The following LMNB2 variants were observed in gnomAD, a reference collection of about 807,000 sequenced individuals.
LMNB2 encodes the protein lamin-B2.
In LMNB2, 17 loss-of-function variants were observed where a neutral mutation model predicts 69.3. The observed-to-expected ratio is 0.25, with a 90% CI of 0.17 to 0.37. LMNB2 has a LOEUF of 0.37. Among genes scored for constraint, LMNB2 ranks in the 10% least tolerant of loss-of-function variants. LMNB2 has a pLI of 1.00. For missense variants in LMNB2, 789 were observed against 883.6 expected, an observed-to-expected ratio of 0.89 and a Z score of 1.36; for synonymous variants, 397 against 389.3, an observed-to-expected ratio of 1.02 and a Z score of -0.23.
intron 1 of LMNB2, among the ~76,000 whole-genome samples, chr19:2,452,217 C>A (rs1972029830): frequency 6.6e-6 from 1 of 152,172 alleles, no homozygotes. Context: ...ATGTGGAACC[C>A]ATGCTTGGCC....
intron 1 of LMNB2, among the ~76,000 whole-genome samples, chr19:2,454,776 C>T (rs1278636233): frequency 6.6e-6 from 1 of 152,138 alleles, no homozygotes. Flanking sequence ...GCCTGCCCCC[C>T]GTTCTGGAGT....
At chr19:2,437,673 C>T (rs1204133142) in intron 4 of LMNB2, among the ~76,000 whole-genome samples, 2 of 151,942 alleles carry the variant, frequency 1.3e-5, no homozygotes, top group Admixed American at 6.6e-5. Flanking sequence ...TGGTGGTGCA[C>T]GCCTATAATC....
At chr19:2,448,876 T>G (rs1971989012) in intron 1 of LMNB2, among the ~76,000 whole-genome samples, 2 of 152,058 alleles carry the variant, frequency 1.3e-5, no homozygotes, top group South Asian at 4.1e-4. Context: ...TCTAATACCA[T>G]ATTCTTACTG....
intron 11 of LMNB2, 112 bp from the exon 12 acceptor site, chr19:2,431,064 T>G: frequency 4.0e-6 from 3 of 740,848 alleles, no homozygotes; most frequent in Non-Finnish European, 7.4e-6. Flanking sequence ...GCAACAACAG[T>G]GTCTATTTCT....
intron 11 of LMNB2, 118 bp downstream of exon 11, chr19:2,431,430 C>A: frequency 9.7e-6 from 13 of 1,335,816 alleles, no homozygotes; most frequent in Non-Finnish European, 1.4e-5. Flanking sequence ...CCCTGAGCCA[C>A]GGCAGCCAGA....
chr19:2,432,039 G>C (rs1971747624), intron 9 of LMNB2, 137 bp from the exon 10 acceptor site: 4 of 1,145,900 alleles, frequency 3.5e-6, no homozygotes, highest in Non-Finnish European at 3.7e-6. Flanking sequence ...GGCTTATCCA[G>C]GGTGATGGTC....
chr19:2,450,730 C>T lies in LMNB2; in HGVS notation c.264+5940G>A, dbSNP rs12983854. On this transcript the variant is annotated intron_variant, in intron 1 of 11. Coordinates refer to ENST00000325327, the MANE Select transcript of LMNB2 (RefSeq NM_032737.4). ...TGAGCTCACAGCAACCTCTGCTTCC[C>T]GGGTTCAAGCGATTCTCCTGCCTCC... is the stretch of plus-strand genomic sequence containing the variant. 3.6e-3 allele frequency among the ~76,000 whole-genome samples: 542 copies of T among 152,054 alleles called. 1 individual carries two copies. Among genetic ancestry groups the T allele is most frequent in the African/African-American group, 0.012 (509 of 41,494 alleles).
intron 8 of LMNB2, among the ~76,000 whole-genome samples, chr19:2,432,801 C>T (rs538154053): frequency 1.4e-5 from 2 of 148,110 alleles, no homozygotes; most frequent in East Asian, 2.1e-4. Flanking sequence ...TCGCATTGGC[C>T]GGCAGCCCCG....
Position 2,456,863 on chromosome 19 carries a change from G to T in LMNB2, c.71C>A (p.Pro24Gln), listed in dbSNP as rs1188775924. ...RPRAAATMAT[P>Q]LPGRAGGPAT... is the part of the protein sequence containing the mutation. ...GGGCCCGCCCGCGCGGCCGGGCAGCGGCGTGGCCATGGTGGCGGCGGCTCG... is the reference window on the plus strand; with the variant it reads ...GGGCCCGCCCGCGCGGCCGGGCAGCTGCGTGGCCATGGTGGCGGCGGCTCG... Residue 24 changes from proline (P) to glutamine (Q), a missense_variant, in exon 1 of 12, where the codon CCG (proline) becomes CAG (glutamine). Pro to Gln is a moderately conservative substitution (Grantham distance 76). Around this residue, in one of 3 missense-constraint regions of LMNB2, gnomAD observed 145 missense variants for 228.9 expected, o/e 0.63. Transcript: ENST00000325327. 8.4e-6 allele frequency: 10 copies of T among 1,185,882 alleles called. No individual in the cohort carries two copies. In the South Asian group the frequency reaches 3.8e-4, roughly 45 times the overall value. 73.5% of individuals were successfully genotyped at this position (1,185,882 alleles called of 1,614,324 possible).
At chr19:2,454,538 G>T (rs11880739) in intron 1 of LMNB2, among the ~76,000 whole-genome samples, 4,472 of 152,194 alleles carry the variant, frequency 0.029, 236 homozygotes, top group African/African-American at 0.1. Flanking sequence ...GAGAGGGTAA[G>T]CGACTAGCCC....
In LMNB2 at chr19:2,434,984, C is replaced by A; in HGVS notation, c.855+17G>T. On this transcript the variant is annotated intron_variant, in intron 5 of 11. Transcript: ENST00000325327. ...GTTCCCACCGGCCGCCCCCGCCCACCCGCCTGCCGGCCACACCTTGGCCTG... is the reference window on the plus strand; with the variant it reads ...GTTCCCACCGGCCGCCCCCGCCCACACGCCTGCCGGCCACACCTTGGCCTG... 1 of 1,601,612 alleles carries A rather than the reference C, an allele frequency of 6.2e-7. No homozygotes were observed. The highest frequency in any genetic ancestry group is 1.1e-5 in the South Asian group (1 of 90,948).
rs762180256 is a variant in LMNB2, at chr19:2,435,016, C to G, written c.840G>C (p.Gln280His). 1.3e-6 allele frequency: 2 copies of G among 1,558,352 alleles called. No homozygotes were observed. The highest frequency in any genetic ancestry group is 1.4e-5 in the African/African-American group (1 of 73,128). The change falls in exon 5 of 12, where the codon CAG becomes CAC. Residue 280 changes from glutamine (Q) to histidine (H), a missense_variant. By Grantham distance (24) the Gln-to-His change is conservative. Coordinates refer to ENST00000325327, the MANE Select transcript of LMNB2 (RefSeq NM_032737.4). ...CCGGCCACACCTTGGCCTGGTAGGT[C>G]TGCTCCAGCTCCAGCTTGTAGAGCC... is the stretch of plus-strand genomic sequence containing the variant. ...QVRLYKLELE[Q>H]TYQAKLDSAK...
intron 1 of LMNB2, among the ~76,000 whole-genome samples, chr19:2,445,985 G>A (rs540085096): frequency 4.2e-4 from 26 of 62,066 alleles, no homozygotes; most frequent in African/African-American, 2.0e-3. Context: ...GGGATCTGTA[G>A]TCAGAGTCCC....
At chr19:2,434,620 G>A (rs1031550022) in intron 6 of LMNB2, 105 bp from the exon 7 acceptor site, 24 of 1,504,648 alleles carry the variant, frequency 1.6e-5, no homozygotes, top group Non-Finnish European at 2.1e-5. Flanking sequence ...CTGGGGCAGA[G>A]ACCAGGCCTG....
In LMNB2 at chr19:2,453,383, G is replaced by C. The variant is rs116643289; in HGVS notation, c.264+3287C>G. Among the ~76,000 whole-genome samples, 4,475 of 150,352 alleles carry C rather than the reference G, an allele frequency of 0.03. 245 individuals carry two copies. The highest frequency in any genetic ancestry group is 0.1 in the African/African-American group (4,246 of 40,692). On this transcript the variant is annotated intron_variant, in intron 1 of 11. Transcript: ENST00000325327. This position sits in a 1 kb window ranked among gnomAD's most constrained non-coding sequence, Gnocchi z 4.4. ...CCTGAGGCTGCTCTCTGAACCCCAC[G>C]TGGCCCACCTGTGTCTAGAAGGCCC...
At chr19:2,434,977 C>T (rs747412161) in intron 5 of LMNB2, 24 bp downstream of exon 5, 37 of 1,598,190 alleles carry the variant, frequency 2.3e-5, no homozygotes, top group Admixed American at 1.3e-4. Flanking sequence ...CGGCCGCCCC[C>T]GCCCACCCGC....
In LMNB2 at chr19:2,447,892, G is replaced by A. The variant is rs970961958; in HGVS notation, c.265-3352C>T. 2.0e-5 allele frequency among the ~76,000 whole-genome samples: 3 copies of A among 152,182 alleles called. No homozygotes were observed. Among genetic ancestry groups the A allele is most frequent in the Admixed American group, 6.5e-5 (1 of 15,278 alleles). ...CAGAGTCTCAGGCTGCCCCAGCACC[G>A]CAGCTCCAAGTCCCGTCAGCCTACA... On this transcript the variant is annotated intron_variant, in intron 1 of 11. Transcript: ENST00000325327. The surrounding 1 kb of genome is among the most constrained non-coding windows in gnomAD (Gnocchi z 4.4).
At position 2,456,916 on chromosome 19, in the gene LMNB2, C is replaced by G. The variant is rs1039426985; in HGVS notation, c.18G>C (p.Pro6=). 5.0e-6 allele frequency: 5 copies of G among 994,698 alleles called. No homozygotes were observed. Among genetic ancestry groups the G allele is most frequent in the African/African-American group, 3.5e-5 (2 of 56,798 alleles). 61.6% of individuals were successfully genotyped at this position (994,698 alleles called of 1,614,324 possible). A position where few individuals can be genotyped will look rare whatever the true frequency, so the allele number is the denominator to read the frequency against. ...GCCTGCGCTGCTCCCGACGGCGGCC[C>G]GGGCTCGGCGGGCTCATTCAATCCG... MSPPS[P]GRRREQRRPR... The change falls in exon 1 of 12, where the codon CCG becomes CCC. Residue 6 remains proline (P), a synonymous_variant. Coordinates refer to ENST00000325327, the MANE Select transcript of LMNB2 (RefSeq NM_032737.4).
chr19:2,454,519 T>C (rs555822393), intron 1 of LMNB2, among the ~76,000 whole-genome samples: 1 of 152,196 alleles, frequency 6.6e-6, no homozygotes, highest in Admixed American at 6.5e-5. Context: ...GCGAGGGCAC[T>C]GAGACCCAGA....
Sources: gnomAD v4.1 joint callset for allele counts (sites outside exome capture counted in the v4.1 genomes callset) on GRCh38, gnomAD v4.1.1 for gene constraint, gnomAD v4.1.1 regional missense constraint, Gnocchi (gnomAD v3.1) non-coding constraint, MANE v1.5 for transcripts, NCBI Gene and HGNC (gene_info 2026-07-23, HGNC 2026-07-21) for gene names.